Variants in SCIN observed in about 807,000 individuals in gnomAD.
SCIN encodes scinderin.
In SCIN, 91 loss-of-function variants were observed where a neutral mutation model predicts 91.8. The observed-to-expected ratio is 0.99, with a 90% CI of 0.84 to 1.18. SCIN has a LOEUF of 1.18. Among genes scored for constraint, SCIN ranks in the 50% most tolerant of loss-of-function variants. SCIN has a pLI of 0.00. For synonymous variants in SCIN, 367 were observed against 312.6 expected (o/e 1.17, Z -1.84); for missense variants, 1,087 against 863.9 (o/e 1.26, Z -3.24).
At chr7:12,626,027 T>G (rs1327491199) in intron 7 of SCIN, 177 bp downstream of exon 7, 2 of 552,718 alleles carry the variant, frequency 3.6e-6, no homozygotes, top group African/African-American at 3.9e-5. Flanking sequence ...GGGTTAGAAT[T>G]TTTTAGAAAC....
Position 12,625,091 on chromosome 7 carries a change from G to C in SCIN, c.841G>C (p.Glu281Gln). ...CTCAATGGCAATGCTGCTGTCTGAA[G>C]AATGCTTTATTTTGGACCACGGGGC... Reference protein sequence around the residue: ...PFSMAMLLSEECFILDHGAAK... With the variant: ...PFSMAMLLSEQCFILDHGAAK... The change falls in exon 6 of 16, where the codon GAA becomes CAA. Residue 281 changes from glutamate (E) to glutamine (Q), a missense_variant. By Grantham distance (29) the Glu-to-Gln change is conservative (BLOSUM62 2). Transcript: ENST00000297029. 1 of 1,607,674 alleles carries C rather than the reference G, an allele frequency of 6.2e-7. No individual in the cohort carries two copies. The highest frequency in any genetic ancestry group is 1.3e-5 in the African/African-American group (1 of 74,958).
intron 5 of SCIN, among the ~76,000 whole-genome samples, chr7:12,624,685 C>A (rs920079657): frequency 6.6e-6 from 1 of 152,032 alleles, no homozygotes; most frequent in African/African-American, 2.4e-5. Flanking sequence ...TCTGAATAGA[C>A]CTCAGCCATT....
chr7:12,592,663 C>G (rs985100929), intron 3 of SCIN, among the ~76,000 whole-genome samples: 2 of 151,658 alleles, frequency 1.3e-5, no homozygotes, highest in African/African-American at 2.4e-5. Context: ...AGGTCTCAGC[C>G]TAGAATGGGG....
Position 12,594,906 on chromosome 7 carries a change from A to C in SCIN, c.517-9608A>C, listed in dbSNP as rs186272002. ...TCAAGGGTTCCAGGTAATAGGCAAA[A>C]GTCTCTCTTACTCACCCCTCTCAGA... On this transcript the variant is annotated intron_variant, in intron 3 of 15. Coordinates refer to ENST00000297029, the MANE Select transcript of SCIN (RefSeq NM_001112706.3). 3.0e-3 allele frequency among the ~76,000 whole-genome samples: 450 copies of C among 152,208 alleles called. 3 individuals are homozygous for C. Among genetic ancestry groups the C allele is most frequent in the African/African-American group, 9.9e-3 (412 of 41,514 alleles).
Position 12,656,509 on chromosome 7 carries a change from GC to G in SCIN, c.*3798del, listed in dbSNP as rs532716745. The G allele has an allele frequency of 7.9e-5, 12 of 152,028 alleles. No individual in the cohort carries two copies. The highest frequency in any genetic ancestry group is 1.6e-4 in the Non-Finnish European group (11 of 68,016). The allele number at this position is 152,028 out of a possible 1,614,324, so 9.4% of individuals were successfully genotyped here. ...AACTTGAATTTAAAAGCCTACAAAT[GC>G]CCCGCATATGTAGAATTATCATTCA... On this transcript the variant is annotated 3_prime_UTR_variant, in exon 16 of 16. Transcript: ENST00000297029.
chr7:12,628,022 AGTGTGCGCGCGTGTGTGT>A (rs1464727049), intron 8 of SCIN, among the ~76,000 whole-genome samples: 2 of 121,958 alleles, frequency 1.6e-5, no homozygotes, highest in African/African-American at 6.7e-5. Flanking sequence ...AACTTAGGCA[AGTGTGCGCGCGTGTGTGT>A]GTGTGTGTGT....
intron 1 of SCIN, chr7:12,571,523 G>C (rs752686388): frequency 2.1e-5 from 9 of 432,814 alleles, no homozygotes; most frequent in African/African-American, 1.9e-4. Context: ...GGGAATTATT[G>C]TTCTGGGCTT....
At chr7:12,640,624 A>C (rs1583318549) in intron 11 of SCIN, 107 bp downstream of exon 11, 1 of 959,046 alleles carries the variant, frequency 1.0e-6, no homozygotes, top group Admixed American at 3.9e-5. Context: ...AACTCCCTTC[A>C]TTCCTATAAT....
chr7:12,645,233 C>G (rs1233466787), intron 13 of SCIN, among the ~76,000 whole-genome samples: 1 of 151,872 alleles, frequency 6.6e-6, no homozygotes, highest in African/African-American at 2.4e-5. Context: ...ACAGGAGAAT[C>G]TCTTGAACCC....
chr7:12,621,610 A>T (rs1184864815), intron 4 of SCIN, among the ~76,000 whole-genome samples: 1 of 149,636 alleles, frequency 6.7e-6, no homozygotes, highest in Admixed American at 6.7e-5. Context: ...GTGTTTTTTT[A>T]AAAAGCTTTT....
intron 11 of SCIN, 39 bp from the exon 12 acceptor site, chr7:12,644,099 T>TA: frequency 6.4e-7 from 1 of 1,556,124 alleles, no homozygotes; most frequent in African/African-American, 1.4e-5. Flanking sequence ...GGAGCAGCAA[T>TA]GAATTTGAAT....
intron 10 of SCIN, among the ~76,000 whole-genome samples, chr7:12,639,989 A>G (rs1423122868): frequency 6.6e-6 from 1 of 152,212 alleles, no homozygotes; most frequent in Non-Finnish European, 1.5e-5. Flanking sequence ...CCTTGAAAGA[A>G]GAGTGATTTT....
chr7:12,628,030 C>T (rs10228316), intron 8 of SCIN, among the ~76,000 whole-genome samples: 1,534 of 81,106 alleles, frequency 0.019, 26 homozygotes, highest in African/African-American at 0.06. Context: ...CAAGTGTGCG[C>T]GCGTGTGTGT....
chr7:12,616,480 A>G (rs1583301529), intron 4 of SCIN, among the ~76,000 whole-genome samples: 1 of 152,226 alleles, frequency 6.6e-6, no homozygotes, highest in Non-Finnish European at 1.5e-5. Flanking sequence ...TTGATATTGG[A>G]CTTCATAATG....
chr7:12,596,911 T>G (rs1782854990), intron 3 of SCIN, among the ~76,000 whole-genome samples: 1 of 152,188 alleles, frequency 6.6e-6, no homozygotes, highest in African/African-American at 2.4e-5. Context: ...GGCTTAGACC[T>G]TCTAAATATT....
chr7:12,629,295 A>T, intron 9 of SCIN, 73 bp downstream of exon 9: 1 of 1,384,490 alleles, frequency 7.2e-7, no homozygotes, highest in Non-Finnish European at 9.9e-7. Context: ...AATTCTATGC[A>T]TTATGGGGTA....
At position 12,640,428 on chromosome 7, in the gene SCIN, A is replaced by G. The variant is rs1003377053; in HGVS notation, c.1492A>G (p.Thr498Ala). ...ACCGCTCATTATTTACAAGAATGGAACATCAAAGAAAGGAGGTCAGGCACC... is the reference window on the plus strand; with the variant it reads ...ACCGCTCATTATTTACAAGAATGGAGCATCAAAGAAAGGAGGTCAGGCACC... Reference protein sequence around the residue: ...DKPLIIYKNGTSKKGGQAPAP... With the variant: ...DKPLIIYKNGASKKGGQAPAP... Residue 498 changes from threonine to alanine, a missense_variant, in exon 11 of 16, where the codon ACA becomes GCA. Physicochemically the swap from Thr to Ala is moderately conservative, Grantham distance 58 (BLOSUM62 0). Coordinates refer to ENST00000297029, the MANE Select transcript of SCIN (RefSeq NM_001112706.3). The G allele has an allele frequency of 7.4e-6, 12 of 1,613,458 alleles. No homozygotes were observed. Among genetic ancestry groups the G allele is most frequent in the African/African-American group, 1.3e-5 (1 of 74,856 alleles).
intron 13 of SCIN, among the ~76,000 whole-genome samples, chr7:12,645,766 C>T (rs1783953916): frequency 6.6e-6 from 1 of 152,124 alleles, no homozygotes; most frequent in Non-Finnish European, 1.5e-5. Context: ...GTTCCTTACA[C>T]AGGGTATTTT....
rs1281597812 is a variant in SCIN, at chr7:12,588,837, GA to G, written c.516+7618del. 19 of 23,922 alleles carry G rather than the reference GA, an allele frequency of 7.9e-4. 1 individual carries two copies. The highest frequency in any genetic ancestry group is 3.0e-3 in the African/African-American group (15 of 5,036). 1.5% of individuals were successfully genotyped at this position (23,922 alleles called of 1,614,324 possible). ...GGGGGGGGGGTGCGGGGGCGGGTGG[GA>G]AGGGGGAGGGGTTCTGGTGCAACTT... On this transcript the variant is annotated intron_variant, in intron 3 of 15. Transcript: ENST00000297029.
Sources: allele counts gnomAD v4.1 joint callset (sites outside exome capture counted in the v4.1 genomes callset), GRCh38; gene constraint gnomAD v4.1.1; transcripts MANE v1.5; gene names NCBI Gene and HGNC (gene_info 2026-07-23, HGNC 2026-07-21).